Variants in CRPPA observed in about 807,000 individuals in gnomAD.
CRPPA encodes D-ribitol-5-phosphate cytidylyltransferase.
A neutral mutation model predicts 52.0 loss-of-function variants in CRPPA; 43 were observed. The observed-to-expected ratio is 0.83, with a 90% CI of 0.65 to 1.07. The LOEUF is 1.07. Ranked by LOEUF, CRPPA falls within the 50% of genes least tolerant of loss-of-function variation. The probability of loss-of-function intolerance (pLI) is 0.00; values close to 1 mark genes in which losing one functional copy is unlikely to be tolerated. For missense variants in CRPPA, 629 were observed against 551.7 expected (o/e 1.14, Z -1.40); for synonymous variants, 250 against 203.5 (o/e 1.23, Z -1.94).
chr7:16,153,431 TCTAAA>T (rs1251239365), intron 9 of CRPPA, among the ~76,000 whole-genome samples: 1 of 152,082 alleles, frequency 6.6e-6, no homozygotes, highest in African/African-American at 2.4e-5. Flanking sequence ...GCCTATGAAC[TCTAAA>T]CTATTTACAA....
chr7:16,178,915 T>A (rs1378123834), intron 9 of CRPPA, among the ~76,000 whole-genome samples: 1 of 152,002 alleles, frequency 6.6e-6, no homozygotes, highest in African/African-American at 2.4e-5. Context: ...CAAACCCCCA[T>A]AAATTTGGTT....
At chr7:16,135,157 G>A (rs1250021818) in intron 9 of CRPPA, among the ~76,000 whole-genome samples, 1 of 152,178 alleles carries the variant, frequency 6.6e-6, no homozygotes, top group African/African-American at 2.4e-5. Flanking sequence ...ATTGTTACAT[G>A]CTCTTTGAAT....
intron 9 of CRPPA, among the ~76,000 whole-genome samples, chr7:16,173,060 A>C (rs943303991): frequency 2.6e-5 from 4 of 152,212 alleles, no homozygotes; most frequent in African/African-American, 7.2e-5. Context: ...TTTCATGGTT[A>C]ATTAATTTAA....
chr7:16,257,101 C>T (rs1457848072), intron 8 of CRPPA, among the ~76,000 whole-genome samples: 1 of 152,002 alleles, frequency 6.6e-6, no homozygotes, highest in Non-Finnish European at 1.5e-5. Context: ...TCACTTTCAT[C>T]CTTATAACAA....
At chr7:16,171,707 T>A (rs988331253) in intron 9 of CRPPA, among the ~76,000 whole-genome samples, 3 of 152,126 alleles carry the variant, frequency 2.0e-5, no homozygotes, top group African/African-American at 7.2e-5. Flanking sequence ...GCAGGAGAAC[T>A]GCGTGAACCC....
chr7:16,388,080 C>T (rs1483999887), intron 2 of CRPPA, among the ~76,000 whole-genome samples: 1 of 152,126 alleles, frequency 6.6e-6, no homozygotes, highest in Admixed American at 6.5e-5. Context: ...GCCTCCTGGG[C>T]TCAAGCAACC....
intron 9 of CRPPA, among the ~76,000 whole-genome samples, chr7:16,197,843 A>G (rs528813516): frequency 1.2e-4 from 18 of 150,274 alleles, no homozygotes; most frequent in African/African-American, 2.0e-4. Flanking sequence ...CTGTTAATCT[A>G]TGACCTTACC....
chr7:16,316,789 C>T (rs965946554), intron 3 of CRPPA, among the ~76,000 whole-genome samples: 36 of 151,938 alleles, frequency 2.4e-4, no homozygotes, highest in African/African-American at 8.0e-4. Flanking sequence ...CCCGGGAGTT[C>T]GAGGCTGCAG....
chr7:16,188,662 G>T (rs1387930640), intron 9 of CRPPA, among the ~76,000 whole-genome samples: 1 of 152,128 alleles, frequency 6.6e-6, no homozygotes, highest in African/African-American at 2.4e-5. Flanking sequence ...GGTTAACCTA[G>T]AGAAGTCAGT....
Position 16,255,112 on chromosome 7 carries a change from C to T in CRPPA, c.1119+3278G>A, listed in dbSNP as rs1016790910. ...GCAAAGTCTCAGGATACAAAATCAA[C>T]GTGCAAAAATCACAAGCATTCCTAT... On this transcript the variant is annotated intron_variant, in intron 8 of 9. Coordinates refer to ENST00000407010, the MANE Select transcript of CRPPA (RefSeq NM_001101426.4). Among the ~76,000 whole-genome samples the T allele has an allele frequency of 1.8e-4, 27 of 152,014 alleles. 1 individual carries two copies. Among genetic ancestry groups the T allele is most frequent in the Admixed American group, 7.2e-4 (11 of 15,226 alleles).
chr7:16,364,724 T>A (rs1258041961), intron 3 of CRPPA, among the ~76,000 whole-genome samples: 4 of 152,190 alleles, frequency 2.6e-5, no homozygotes, highest in Non-Finnish European at 5.9e-5. Context: ...GGTTTCAAGA[T>A]TGCTTATTTC....
At chr7:16,328,304 G>A (rs1174913255) in intron 3 of CRPPA, among the ~76,000 whole-genome samples, 4 of 151,952 alleles carry the variant, frequency 2.6e-5, no homozygotes, top group Admixed American at 6.5e-5. Flanking sequence ...GTTTCATTAC[G>A]CAAAAATTCT....
At chr7:16,191,245 T>C (rs989935245) in intron 9 of CRPPA, among the ~76,000 whole-genome samples, 1 of 152,088 alleles carries the variant, frequency 6.6e-6, no homozygotes, top group Non-Finnish European at 1.5e-5. Flanking sequence ...TTGCCGAGTA[T>C]GTTCTAGAAT....
At chr7:16,280,403 T>G (rs1376598737) in intron 5 of CRPPA, among the ~76,000 whole-genome samples, 2 of 152,238 alleles carry the variant, frequency 1.3e-5, no homozygotes, top group Non-Finnish European at 2.9e-5. Flanking sequence ...TTGTAATATC[T>G]TAGGCTAAGG....
intron 5 of CRPPA, among the ~76,000 whole-genome samples, chr7:16,297,089 G>C (rs953623652): frequency 6.6e-6 from 1 of 152,112 alleles, no homozygotes; most frequent in African/African-American, 2.4e-5. Context: ...GGTACAAAAT[G>C]GACATATCCT....
At chr7:16,229,104 T>A (rs1322170987) in intron 8 of CRPPA, among the ~76,000 whole-genome samples, 2 of 152,084 alleles carry the variant, frequency 1.3e-5, no homozygotes, top group African/African-American at 4.8e-5. Flanking sequence ...CTACTCCTAC[T>A]TTTTTGTTGT....
At chr7:16,418,850 C>T (rs1259342113) in intron 1 of CRPPA, among the ~76,000 whole-genome samples, 3 of 152,098 alleles carry the variant, frequency 2.0e-5, no homozygotes, top group African/African-American at 7.2e-5. Flanking sequence ...TTAGTGTCCG[C>T]CTATCTTAGA....
At chr7:16,150,816 G>A (rs1181752769) in intron 9 of CRPPA, among the ~76,000 whole-genome samples, 3 of 152,144 alleles carry the variant, frequency 2.0e-5, no homozygotes, top group African/African-American at 7.2e-5. Context: ...GGGTCTTTTT[G>A]CTGTGTCATC....
intron 9 of CRPPA, among the ~76,000 whole-genome samples, chr7:16,185,232 C>A (rs1781483333): frequency 6.6e-6 from 1 of 152,134 alleles, no homozygotes; most frequent in South Asian, 2.1e-4. Flanking sequence ...GAGAAGAGAG[C>A]TTGTGCAGGG....
Sources: allele counts gnomAD v4.1 joint callset (sites outside exome capture counted in the v4.1 genomes callset), GRCh38; gene constraint gnomAD v4.1.1; transcripts MANE v1.5; gene names NCBI Gene and HGNC (gene_info 2026-07-23, HGNC 2026-07-21).